KCNH7: variants seen among roughly 807,000 people sequenced by gnomAD.
The protein encoded by KCNH7 is potassium voltage-gated channel subfamily H member 7, also known as voltage-gated inwardly rectifying potassium channel KCNH7.
A neutral mutation model predicts 120.8 loss-of-function variants in KCNH7; 49 were observed. That is an observed-to-expected ratio of 0.41 (90% CI 0.32 to 0.51). The LOEUF (loss-of-function observed/expected upper bound fraction) is 0.51. KCNH7 is among the 20% of genes least tolerant of loss of function. KCNH7 has a pLI of 0.38. For synonymous variants in KCNH7, 547 were observed against 516.1 expected (o/e 1.06, Z -0.81); for missense variants, 1,097 against 1,446.6 (o/e 0.76, Z 3.92).
intron 9 of KCNH7, among the ~76,000 whole-genome samples, chr2:162,405,464 G>A (rs1687183876): frequency 6.6e-6 from 1 of 151,858 alleles, no homozygotes; most frequent in South Asian, 2.1e-4. Flanking sequence ...AATGAAAGTA[G>A]TATTTCATAC....
At chr2:162,705,385 G>T (rs1203661086) in intron 2 of KCNH7, among the ~76,000 whole-genome samples, 1 of 152,064 alleles carries the variant, frequency 6.6e-6, no homozygotes, top group Non-Finnish European at 1.5e-5. Context: ...TTTTATTATT[G>T]CTAGGGTCCT....
At chr2:162,662,239 G>A (rs1684988610) in intron 2 of KCNH7, among the ~76,000 whole-genome samples, 1 of 152,054 alleles carries the variant, frequency 6.6e-6, no homozygotes, top group Non-Finnish European at 1.5e-5. Context: ...CTCCAGCCTG[G>A]GTGACAGGGC....
At chr2:162,685,296 T>C (rs1685850174) in intron 2 of KCNH7, among the ~76,000 whole-genome samples, 1 of 152,074 alleles carries the variant, frequency 6.6e-6, no homozygotes, top group Admixed American at 6.6e-5. Flanking sequence ...TATACCTATG[T>C]AAAAGACCTG....
Position 162,504,652 on chromosome 2 carries a change from A to G in KCNH7, c.919T>C (p.Phe307Leu). The change falls in exon 6 of 16, where the codon TTT becomes CTT. Residue 307 changes from phenylalanine to leucine, a missense_variant. Phe to Leu is a conservative substitution (Grantham distance 22). This residue lies in a region of KCNH7 where 362 missense variants were observed against 372.2 expected (regional missense o/e 0.97). Coordinates refer to ENST00000332142, the MANE Select transcript of KCNH7 (RefSeq NM_033272.4). ...AGGAGGCTTGACTTGATATGATTAA[A>G]AGGCCCTAAAAAAATGGAAAGTATT... is the stretch of plus-strand genomic sequence containing the variant. ...EDNGRNVKGP[F>L]NHIKSSLLGS... 1 of 1,604,484 alleles carries G rather than the reference A, an allele frequency of 6.2e-7. No homozygotes were observed. The highest frequency in any genetic ancestry group is 1.7e-5 in the Admixed American group (1 of 59,560).
intron 2 of KCNH7, among the ~76,000 whole-genome samples, chr2:162,584,547 A>C (rs997045140): frequency 6.6e-6 from 1 of 152,126 alleles, no homozygotes; most frequent in Non-Finnish European, 1.5e-5. Context: ...AACAGGGAAC[A>C]TTGACGGTGA....
intron 6 of KCNH7, among the ~76,000 whole-genome samples, chr2:162,499,556 G>A (rs1478965444): frequency 6.6e-6 from 1 of 152,148 alleles, no homozygotes; most frequent in Non-Finnish European, 1.5e-5. Flanking sequence ...AATATGACAT[G>A]ATGCATTCCA....
intron 2 of KCNH7, among the ~76,000 whole-genome samples, chr2:162,707,295 A>C (rs1212638661): frequency 6.6e-6 from 1 of 152,136 alleles, no homozygotes; most frequent in Non-Finnish European, 1.5e-5. Flanking sequence ...GGTAAAAAGA[A>C]CTAGGATCAT....
chr2:162,645,403 T>C (rs10930064), intron 2 of KCNH7, among the ~76,000 whole-genome samples: 21,533 of 152,030 alleles, frequency 0.14, 3,139 homozygotes, highest in African/African-American at 0.36. Context: ...GCTTTGGCCT[T>C]CCAAAGTGCT....
At position 162,512,792 on chromosome 2, in the gene KCNH7, T is replaced by A. The variant is rs77565856; in HGVS notation, c.893-118A>T. 1,630 of 765,380 alleles carry A rather than the reference T, an allele frequency of 2.1e-3. 35 individuals are homozygous for A. The East Asian group carries it at 0.042, about 20-fold the overall frequency. The allele number at this position is 765,380 out of a possible 1,614,324, so 47.4% of individuals were successfully genotyped here. ...AGAGAAATCAGAATATGATGGAAAATTTCTCTTTAATTGAAATTAACATTT... is the reference window on the plus strand; with the variant it reads ...AGAGAAATCAGAATATGATGGAAAAATTCTCTTTAATTGAAATTAACATTT... On this transcript the variant is annotated intron_variant, in intron 4 of 15. Transcript: ENST00000332142.
intron 9 of KCNH7, among the ~76,000 whole-genome samples, chr2:162,413,711 T>C (rs955658100): frequency 4.6e-5 from 7 of 151,950 alleles, no homozygotes; most frequent in African/African-American, 1.7e-4. Flanking sequence ...AAAAGTTTAG[T>C]AGGGCCTTTT....
intron 2 of KCNH7, among the ~76,000 whole-genome samples, chr2:162,792,576 T>A (rs1053159746): frequency 2.6e-5 from 4 of 152,062 alleles, no homozygotes; most frequent in Admixed American, 1.3e-4. Context: ...CATAGAGGTG[T>A]TTATAATATT....
chr2:162,707,354 G>T (rs1420311836), intron 2 of KCNH7, among the ~76,000 whole-genome samples: 2 of 151,956 alleles, frequency 1.3e-5, no homozygotes, highest in Non-Finnish European at 2.9e-5. Flanking sequence ...TGGCCAAATT[G>T]ACTAATAGAT....
chr2:162,409,726 G>C (rs138598974), intron 9 of KCNH7, among the ~76,000 whole-genome samples: 1 of 151,782 alleles, frequency 6.6e-6, no homozygotes, highest in Non-Finnish European at 1.5e-5. Context: ...AAACAGATAT[G>C]GTAAACTTTC....
chr2:162,586,652 AC>A (rs1364736092), intron 2 of KCNH7, among the ~76,000 whole-genome samples: 1 of 150,988 alleles, frequency 6.6e-6, no homozygotes, highest in Non-Finnish European at 1.5e-5. Flanking sequence ...TATAATGATA[AC>A]GGTTTCTTTC....
chr2:162,462,545 G>C (rs534798457), intron 6 of KCNH7, among the ~76,000 whole-genome samples: 3 of 151,912 alleles, frequency 2.0e-5, no homozygotes, highest in Admixed American at 2.0e-4. Flanking sequence ...GCAAGAGAGA[G>C]AGAGAGAGAG....
intron 6 of KCNH7, among the ~76,000 whole-genome samples, chr2:162,458,335 T>C (rs1016656832): frequency 2.0e-5 from 3 of 152,158 alleles, no homozygotes; most frequent in African/African-American, 7.2e-5. Context: ...ACTTCAAATA[T>C]ATGCATATTA....
intron 9 of KCNH7, among the ~76,000 whole-genome samples, chr2:162,414,204 A>G (rs75970989): frequency 2.0e-4 from 31 of 152,138 alleles, no homozygotes; most frequent in African/African-American, 7.0e-4. Context: ...ATGTAATCTT[A>G]CAATAGCTAT....
intron 2 of KCNH7, among the ~76,000 whole-genome samples, chr2:162,600,525 G>T (rs554670510): frequency 1.3e-5 from 2 of 152,120 alleles, no homozygotes; most frequent in African/African-American, 4.8e-5. Flanking sequence ...GGTATGAAAA[G>T]AATTGGTTTC....
intron 6 of KCNH7, among the ~76,000 whole-genome samples, chr2:162,500,499 G>C (rs937389384): frequency 2.0e-5 from 3 of 151,642 alleles, no homozygotes; most frequent in Non-Finnish European, 2.9e-5. Context: ...TAACTGAGGA[G>C]GTAAATAACT....
Sources: allele counts gnomAD v4.1 joint callset (sites outside exome capture counted in the v4.1 genomes callset), GRCh38; gene constraint gnomAD v4.1.1; regional missense constraint gnomAD v4.1.1; transcripts MANE v1.5; gene names NCBI Gene and HGNC (gene_info 2026-07-23, HGNC 2026-07-21).